UNC79: variants seen among roughly 807,000 people sequenced by gnomAD.
UNC79 encodes the protein unc-79 subunit of NALCN channel complex.
Under a neutral mutation model 283.1 loss-of-function variants are expected in UNC79, and 37 were observed. The observed-to-expected ratio is 0.13, with a 90% CI of 0.10 to 0.17. UNC79 has a LOEUF of 0.17. Ranked by LOEUF, UNC79 falls within the 10% of genes least tolerant of loss-of-function variation. UNC79 has a pLI of 1.00. For missense variants in UNC79, 2,272 were observed against 3,211.1 expected (o/e 0.71, Z 7.07); for synonymous variants, 1,107 against 1,200.2 (o/e 0.92, Z 1.61).
intron 1 of UNC79, among the ~76,000 whole-genome samples, chr14:93,339,706 G>A (rs2053663010): frequency 6.6e-6 from 1 of 152,246 alleles, no homozygotes; most frequent in African/African-American, 2.4e-5. Flanking sequence ...GAAAGATGTT[G>A]ATGACTGTCT....
intron 1 of UNC79, among the ~76,000 whole-genome samples, chr14:93,357,924 T>G (rs200964383): frequency 4.7e-5 from 1 of 21,382 alleles, no homozygotes; most frequent in African/African-American, 2.2e-4. Context: ...TCCATATATA[T>G]AGATATATAT....
intron 1 of UNC79, among the ~76,000 whole-genome samples, chr14:93,357,744 T>TGG: frequency 1.2e-4 from 17 of 138,156 alleles, no homozygotes; most frequent in African/African-American, 4.5e-4. Context: ...TATATATATA[T>TGG]ATGGATATAT....
At chr14:93,357,706 T>G (rs559445906) in intron 1 of UNC79, among the ~76,000 whole-genome samples, 1,940 of 124,356 alleles carry the variant, frequency 0.016, 157 homozygotes, top group African/African-American at 0.066. Context: ...TATATATATA[T>G]ATATATATAT....
intron 1 of UNC79, among the ~76,000 whole-genome samples, chr14:93,456,935 G>T (rs2056811945): frequency 6.6e-6 from 1 of 152,204 alleles, no homozygotes; most frequent in South Asian, 2.1e-4. Flanking sequence ...TAAGCTTTCA[G>T]CCAGACCAGC....
At chr14:93,542,797 C>A in intron 14 of UNC79, 101 bp downstream of exon 14, 2 of 1,080,840 alleles carry the variant, frequency 1.9e-6, no homozygotes, top group Non-Finnish European at 2.8e-6. Context: ...AGAGGAGGAA[C>A]ATCTCTCCTT....
chr14:93,502,903 C>G (rs1251955160), intron 7 of UNC79, among the ~76,000 whole-genome samples: 1 of 152,212 alleles, frequency 6.6e-6, no homozygotes, highest in Non-Finnish European at 1.5e-5. Flanking sequence ...AAGTTAAGTG[C>G]AAGAAGGTCT....
intron 1 of UNC79, among the ~76,000 whole-genome samples, chr14:93,339,308 C>CT (rs200649599): frequency 0.017 from 2,587 of 150,800 alleles, 79 homozygotes; most frequent in African/African-American, 0.06. Flanking sequence ...CTTTATTTTT[C>CT]TTTTTTTTTG....
chr14:93,471,467 G>A (rs1419585315), intron 2 of UNC79, among the ~76,000 whole-genome samples: 1 of 152,054 alleles, frequency 6.6e-6, no homozygotes, highest in Non-Finnish European at 1.5e-5. Flanking sequence ...TTCTGAGCAG[G>A]GCATTCTTAA....
At chr14:93,427,181 G>A (rs557090965), upstream of UNC79, among the ~76,000 whole-genome samples, 1 of 152,256 alleles carries the variant, frequency 6.6e-6, no homozygotes, top group Admixed American at 6.5e-5. Flanking sequence ...CTCCTTTACT[G>A]TGGCTCTCTC....
intron 14 of UNC79, among the ~76,000 whole-genome samples, chr14:93,567,194 A>G (rs898760330): frequency 6.6e-6 from 1 of 151,908 alleles, no homozygotes; most frequent in Non-Finnish European, 1.5e-5. Flanking sequence ...CCTATACCCA[A>G]TCCAGCTATT....
At chr14:93,549,874 T>C (rs1055702352) in intron 14 of UNC79, among the ~76,000 whole-genome samples, 1 of 152,242 alleles carries the variant, frequency 6.6e-6, no homozygotes, top group African/African-American at 2.4e-5. Flanking sequence ...TATGTATATG[T>C]AGAAACTGTT....
intron 33 of UNC79, among the ~76,000 whole-genome samples, chr14:93,643,290 G>C (rs1271238309): frequency 2.0e-5 from 3 of 152,202 alleles, no homozygotes; most frequent in African/African-American, 7.2e-5. Context: ...AGTGAGAGCA[G>C]TCACTCACAT....
chr14:93,687,205 A>AT (rs2074311135), intron 43 of UNC79, among the ~76,000 whole-genome samples: 1 of 152,226 alleles, frequency 6.6e-6, no homozygotes, highest in African/African-American at 2.4e-5. Flanking sequence ...CATTATGCAA[A>AT]CATACACCAT....
At chr14:93,461,784 AG>A (rs2056970790) in intron 1 of UNC79, among the ~76,000 whole-genome samples, 1 of 152,214 alleles carries the variant, frequency 6.6e-6, no homozygotes, top group Non-Finnish European at 1.5e-5. Context: ...AGTGTTACAC[AG>A]AAAGAAATGA....
chr14:93,456,666 C>T (rs1051738764), intron 1 of UNC79, among the ~76,000 whole-genome samples: 1 of 152,112 alleles, frequency 6.6e-6, no homozygotes, highest in African/African-American at 2.4e-5. Context: ...TTCCTGCACC[C>T]AGAGGTACAT....
chr14:93,508,313 G>A (rs2059651029), intron 7 of UNC79, among the ~76,000 whole-genome samples: 1 of 151,982 alleles, frequency 6.6e-6, no homozygotes, highest in Non-Finnish European at 1.5e-5. Flanking sequence ...GAAGCCAGGA[G>A]GTCAAGAACA....
chr14:93,435,299 C>A (rs1383168078), intron 1 of UNC79, among the ~76,000 whole-genome samples: 1 of 152,226 alleles, frequency 6.6e-6, no homozygotes, highest in East Asian at 1.9e-4. Context: ...CATGACTTCT[C>A]TGTATCATTT....
chr14:93,689,487 CTT>C (rs57033556), intron 44 of UNC79: 15 of 119,350 alleles, frequency 1.3e-4, no homozygotes, highest in South Asian at 2.8e-4. Context: ...GAAGAAATTT[CTT>C]TTTTTTTTTT....
chr14:93,502,747 C>T (rs1047685455), intron 7 of UNC79, among the ~76,000 whole-genome samples: 6 of 152,190 alleles, frequency 3.9e-5, no homozygotes, highest in Non-Finnish European at 8.8e-5. Context: ...ACAGACTCCA[C>T]ATTTCCAAGA....
Sources: gnomAD v4.1 joint callset for allele counts (sites outside exome capture counted in the v4.1 genomes callset) on GRCh38, gnomAD v4.1.1 for gene constraint, MANE v1.5 for transcripts, NCBI Gene and HGNC (gene_info 2026-07-23, HGNC 2026-07-21) for gene names.